The following HSD17B12 variants were observed in gnomAD, a reference collection of about 807,000 sequenced individuals.
The protein encoded by HSD17B12 is hydroxysteroid 17-beta dehydrogenase 12, also known as very-long-chain 3-oxoacyl-CoA reductase.
In HSD17B12, 32 loss-of-function variants were observed where a neutral mutation model predicts 39.3. The ratio of observed to expected loss-of-function variants is 0.81; its 90% CI spans 0.61 to 1.09. The LOEUF (loss-of-function observed/expected upper bound fraction) is 1.09. HSD17B12 is among the 50% of genes least tolerant of loss of function. The pLI, the probability that HSD17B12 is intolerant of heterozygous loss-of-function variation, is 0.00. For missense variants in HSD17B12, 342 were observed against 382.9 expected, an observed-to-expected ratio of 0.89 and a Z score of 0.89; for synonymous variants, 150 against 146.7, an observed-to-expected ratio of 1.02 and a Z score of -0.16.
intron 1 of HSD17B12, among the ~76,000 whole-genome samples, chr11:43,724,469 A>G (rs1950203597): frequency 6.6e-6 from 1 of 152,210 alleles, no homozygotes. Context: ...CTAAAACAAA[A>G]TACCATAAAC....
chr11:43,845,685 G>T (rs959104340), intron 9 of HSD17B12, among the ~76,000 whole-genome samples: 1 of 152,130 alleles, frequency 6.6e-6, no homozygotes, highest in Non-Finnish European at 1.5e-5. Context: ...AGGGCCTCAC[G>T]TGGGGAGACA....
At position 43,737,102 on chromosome 11, in the gene HSD17B12, C is replaced by T. The variant is rs118000122; in HGVS notation, c.161-13809C>T. Among the ~76,000 whole-genome samples, 598 of 151,860 alleles carry T rather than the reference C, an allele frequency of 3.9e-3. 6 individuals carry two copies. In the East Asian group the frequency reaches 0.045, roughly 11 times the overall value. On this transcript the variant is annotated intron_variant, in intron 1 of 10. Coordinates refer to ENST00000278353, the MANE Select transcript of HSD17B12 (RefSeq NM_016142.3). Reference sequence around the variant, plus strand: ...CGAGTGTTTTCTGCATTCAGGTGTTCGGGGGGAAAAAAGAGTCACAAGAAG... The same window carrying T: ...CGAGTGTTTTCTGCATTCAGGTGTTTGGGGGGAAAAAAGAGTCACAAGAAG...
At chr11:43,729,345 A>G (rs1189288634) in intron 1 of HSD17B12, among the ~76,000 whole-genome samples, 1 of 152,234 alleles carries the variant, frequency 6.6e-6, no homozygotes, top group Admixed American at 6.5e-5. Flanking sequence ...TCAAAATGTT[A>G]AATAGCAGAT....
intron 3 of HSD17B12, among the ~76,000 whole-genome samples, chr11:43,763,276 C>T (rs1482857312): frequency 1.3e-5 from 2 of 151,998 alleles, no homozygotes; most frequent in Non-Finnish European, 2.9e-5. Context: ...AGCATAGCTA[C>T]AAGAAATAAT....
chr11:43,648,752 G>T, the HSD17B12 span, among the ~76,000 whole-genome samples: 1 of 71,586 alleles, frequency 1.4e-5, no homozygotes, highest in Non-Finnish European at 3.0e-5. Flanking sequence ...TTTTGAGACA[G>T]AGTCTCACTC....
chr11:43,750,849 A>G (rs1034861625), intron 1 of HSD17B12, 62 bp from the exon 2 acceptor site: 7 of 1,231,292 alleles, frequency 5.7e-6, no homozygotes, highest in Non-Finnish European at 8.3e-6. Context: ...GGTGGGTCCT[A>G]ACTATGACCA....
chr11:43,602,299 C>T, the HSD17B12 span, among the ~76,000 whole-genome samples: 1 of 152,224 alleles, frequency 6.6e-6, no homozygotes, highest in Non-Finnish European at 1.5e-5. Context: ...CCCACGTTCC[C>T]CATTTTCACT....
the HSD17B12 span, among the ~76,000 whole-genome samples, chr11:43,593,102 CTTTT>C: frequency 1.3e-5 from 2 of 152,152 alleles, no homozygotes; most frequent in African/African-American, 2.4e-5. Context: ...CATGGTCTTT[CTTTT>C]GTTTACATAT....
At chr11:43,684,488 A>C (rs1949779398) in intron 1 of HSD17B12, among the ~76,000 whole-genome samples, 1 of 152,266 alleles carries the variant, frequency 6.6e-6, no homozygotes, top group Non-Finnish European at 1.5e-5. Flanking sequence ...AGTTCATCTA[A>C]AATGATTGCT....
intron 1 of HSD17B12, among the ~76,000 whole-genome samples, chr11:43,703,924 T>C (rs529612281): frequency 2.0e-5 from 3 of 152,216 alleles, no homozygotes; most frequent in Non-Finnish European, 4.4e-5. Context: ...CTGATCCTTA[T>C]TTTTTATTTT....
chr11:43,684,197 G>A lies in HSD17B12; in HGVS notation c.160+3210G>A, dbSNP rs967921786. ...TGTGTTCCCTATACCCCTAGAAGGT[G>A]GGTTTAGCCAATTTAGTAAGTAAGA... On this transcript the variant is annotated intron_variant, in intron 1 of 10. Transcript: ENST00000278353. Among the ~76,000 whole-genome samples the A allele has an allele frequency of 3.9e-5, 6 of 152,314 alleles. 1 individual carries two copies. The South Asian group carries it at 6.2e-4, about 16-fold the overall frequency.
the HSD17B12 span, among the ~76,000 whole-genome samples, chr11:43,659,884 G>A: frequency 2.0e-5 from 3 of 152,102 alleles, no homozygotes; most frequent in Non-Finnish European, 2.9e-5. Flanking sequence ...TTATTAGTTC[G>A]AAAGTCTACC....
At chr11:43,654,934 C>A in the HSD17B12 span, among the ~76,000 whole-genome samples, 2 of 152,150 alleles carry the variant, frequency 1.3e-5, no homozygotes, top group African/African-American at 4.8e-5. Flanking sequence ...TTTTCCAATT[C>A]TGTGAAGAAA....
At chr11:43,603,789 T>G in the HSD17B12 span, among the ~76,000 whole-genome samples, 1 of 152,214 alleles carries the variant, frequency 6.6e-6, no homozygotes, top group Non-Finnish European at 1.5e-5. Flanking sequence ...AAAACTTTAT[T>G]TTAATATCTC....
Position 43,854,944 on chromosome 11 carries a change from A to G in HSD17B12, c.834+80A>G, listed in dbSNP as rs1951568491. Reference sequence around the variant, plus strand: ...CCATTGAGTTACAGGATAGTATGTAATAGATTAGCACATATACATTGTCCA... The same window carrying G: ...CCATTGAGTTACAGGATAGTATGTAGTAGATTAGCACATATACATTGTCCA... On this transcript the variant is annotated intron_variant, in intron 10 of 10. Coordinates refer to ENST00000278353, the MANE Select transcript of HSD17B12 (RefSeq NM_016142.3). The G allele has an allele frequency of 2.1e-6, 3 of 1,402,672 alleles. No homozygotes were observed. The East Asian group carries it at 6.9e-5, about 32-fold the overall frequency. The allele number at this position is 1,402,672 out of a possible 1,614,324, so 86.9% of individuals were successfully genotyped here.
the HSD17B12 span, among the ~76,000 whole-genome samples, chr11:43,628,624 T>C: frequency 6.6e-6 from 1 of 152,182 alleles, no homozygotes; most frequent in East Asian, 1.9e-4. Flanking sequence ...TACATTCATA[T>C]ACTTCTGGTT....
Position 43,733,809 on chromosome 11 carries a change from C to T in HSD17B12, c.161-17102C>T. Reference sequence around the variant, plus strand: ...TTGGCAAGTTTGGCCTGGTCTTAGCCGTTGCAGGAGGTGTGGTAAACTCTG... The same window carrying T: ...TTGGCAAGTTTGGCCTGGTCTTAGCTGTTGCAGGAGGTGTGGTAAACTCTG... On this transcript the variant is annotated intron_variant, in intron 1 of 10. Transcript: ENST00000278353. 1.1e-5 allele frequency: 8 copies of T among 715,438 alleles called. 1 individual carries two copies. The highest frequency in any genetic ancestry group is 2.7e-5 in the South Asian group (2 of 72,800). 44.3% of individuals were successfully genotyped at this position (715,438 alleles called of 1,614,324 possible). A position where few individuals can be genotyped will look rare whatever the true frequency, so the allele number is the denominator to read the frequency against.
At position 43,707,545 on chromosome 11, in the gene HSD17B12, TTAAA is replaced by T. The variant is rs1431695613; in HGVS notation, c.160+26562_160+26565del. ...TACTCTTCTGAGAGATAGTCACAATTTAAATAAGTAGGGAAAAGGATTGGGAGTT... is the reference window on the plus strand; with the variant it reads ...TACTCTTCTGAGAGATAGTCACAATTTAAGTAGGGAAAAGGATTGGGAGTT... On this transcript the variant is annotated intron_variant, in intron 1 of 10. Coordinates refer to ENST00000278353, the MANE Select transcript of HSD17B12 (RefSeq NM_016142.3). Among the ~76,000 whole-genome samples the T allele has an allele frequency of 1.3e-4, 20 of 152,300 alleles. No homozygotes were observed. In the East Asian group the frequency reaches 3.9e-3, roughly 29 times the overall value.
At chr11:43,770,573 A>G (rs1413199111) in intron 3 of HSD17B12, among the ~76,000 whole-genome samples, 1 of 152,166 alleles carries the variant, frequency 6.6e-6, no homozygotes, top group Non-Finnish European at 1.5e-5. Flanking sequence ...CTACAAATAT[A>G]AAAAGTACAA....
Sources: allele counts gnomAD v4.1 joint callset (sites outside exome capture counted in the v4.1 genomes callset), GRCh38; gene constraint gnomAD v4.1.1; transcripts MANE v1.5; gene names NCBI Gene and HGNC (gene_info 2026-07-23, HGNC 2026-07-21).